The following CSMD1 variants were observed in gnomAD, a reference collection of about 807,000 sequenced individuals.
The protein encoded by CSMD1 is CUB and Sushi multiple domains 1.
Under a neutral mutation model 417.5 loss-of-function variants are expected in CSMD1, and 213 were observed. The observed-to-expected ratio is 0.51, with a 90% confidence interval of 0.46 to 0.57. The LOEUF (loss-of-function observed/expected upper bound fraction) is 0.57, where lower values mean the gene tolerates loss of function less well. Ranked by LOEUF, CSMD1 falls within the 20% of genes least tolerant of loss-of-function variation. CSMD1 has a pLI of 0.00. For missense variants in CSMD1, 6,923 were observed against 4,529.7 expected, an observed-to-expected ratio of 1.53 and a Z score of -15.17; for synonymous variants, 2,862 against 1,736.8, an observed-to-expected ratio of 1.65 and a Z score of -16.11.
At chr8:4,209,189 GC>G (rs1800157391) in intron 3 of CSMD1, among the ~76,000 whole-genome samples, 1 of 152,116 alleles carries the variant, frequency 6.6e-6, no homozygotes, top group South Asian at 2.1e-4. Context: ...GATGTAGGTG[GC>G]TTTATCGCTC....
chr8:4,453,718 C>A (rs931531726), intron 2 of CSMD1, among the ~76,000 whole-genome samples: 1 of 151,268 alleles, frequency 6.6e-6, no homozygotes, highest in African/African-American at 2.4e-5. Context: ...GGCATCACAG[C>A]GGGCTTAACC....
intron 3 of CSMD1, among the ~76,000 whole-genome samples, chr8:4,281,923 C>T (rs1299442296): frequency 6.6e-6 from 1 of 152,192 alleles, no homozygotes; most frequent in African/African-American, 2.4e-5. Context: ...GTTTTGATGA[C>T]ATAGATGCTG....
intron 3 of CSMD1, among the ~76,000 whole-genome samples, chr8:4,234,196 G>A (rs116454052): frequency 6.6e-6 from 1 of 152,160 alleles, no homozygotes; most frequent in Non-Finnish European, 1.5e-5. Context: ...GACCAAGAAA[G>A]ATGAACAGAA....
At chr8:3,900,430 G>C (rs371801554) in intron 5 of CSMD1, among the ~76,000 whole-genome samples, 1 of 151,638 alleles carries the variant, frequency 6.6e-6, no homozygotes, top group African/African-American at 2.4e-5. Flanking sequence ...TGACAGTGTA[G>C]CTGGGTGACA....
At chr8:3,398,022 C>G (rs1424861039) in intron 16 of CSMD1, among the ~76,000 whole-genome samples, 1 of 152,044 alleles carries the variant, frequency 6.6e-6, no homozygotes. Context: ...CGGGTATTTC[C>G]AAATGGAATT....
intron 5 of CSMD1, among the ~76,000 whole-genome samples, chr8:3,973,272 C>T (rs1563271021): frequency 6.6e-6 from 1 of 152,124 alleles, no homozygotes; most frequent in Non-Finnish European, 1.5e-5. Context: ...TGGTCATGAG[C>T]CTCTTTAGGG....
chr8:4,699,071 C>T (rs916499974), intron 1 of CSMD1, among the ~76,000 whole-genome samples: 2 of 152,074 alleles, frequency 1.3e-5, no homozygotes, highest in African/African-American at 4.8e-5. Context: ...TGTGCTTTGA[C>T]GTAGATGTCC....
At chr8:3,992,186 T>C (rs1377777977) in intron 5 of CSMD1, among the ~76,000 whole-genome samples, 2 of 150,870 alleles carry the variant, frequency 1.3e-5, no homozygotes, top group African/African-American at 4.9e-5. Context: ...TATATAAATA[T>C]ATTTACATTC....
At chr8:4,427,059 G>C (rs1459369554) in intron 2 of CSMD1, among the ~76,000 whole-genome samples, 1 of 152,026 alleles carries the variant, frequency 6.6e-6, no homozygotes, top group African/African-American at 2.4e-5. Flanking sequence ...CAGCCCCAGA[G>C]AGCTTGGGAG....
intron 3 of CSMD1, among the ~76,000 whole-genome samples, chr8:4,333,161 CA>C (rs1799973594): frequency 6.6e-6 from 1 of 152,042 alleles, no homozygotes; most frequent in Non-Finnish European, 1.5e-5. Flanking sequence ...AAGAATTCCT[CA>C]AAAAATCCTT....
intron 2 of CSMD1, among the ~76,000 whole-genome samples, chr8:4,473,845 G>C (rs915033180): frequency 6.6e-6 from 1 of 152,130 alleles, no homozygotes; most frequent in Non-Finnish European, 1.5e-5. Context: ...ACACGCAAAT[G>C]ATCGTAGCAT....
chr8:3,603,403 G>C (rs956985335), intron 8 of CSMD1, among the ~76,000 whole-genome samples: 1 of 152,072 alleles, frequency 6.6e-6, no homozygotes, highest in African/African-American at 2.4e-5. Flanking sequence ...AGCACGTCAG[G>C]AAAGGCTTGC....
intron 1 of CSMD1, among the ~76,000 whole-genome samples, chr8:4,746,732 T>C (rs897257183): frequency 6.6e-5 from 10 of 152,122 alleles, no homozygotes; most frequent in African/African-American, 9.7e-5. Context: ...TCCACCTCGG[T>C]GGGAGTCACC....
At chr8:4,117,388 C>T (rs1212458152) in intron 3 of CSMD1, among the ~76,000 whole-genome samples, 1 of 151,198 alleles carries the variant, frequency 6.6e-6, no homozygotes, top group Admixed American at 6.9e-5. Flanking sequence ...GGCAAAGGAG[C>T]TCCCAAGCTG....
chr8:4,382,225 A>G (rs58469927), intron 3 of CSMD1, among the ~76,000 whole-genome samples: 12,744 of 152,290 alleles, frequency 0.084, 697 homozygotes, highest in South Asian at 0.19. Context: ...ACTCAATTTC[A>G]TTAAACAACC....
At chr8:4,636,817 G>C (rs1158303666) in intron 2 of CSMD1, among the ~76,000 whole-genome samples, 2 of 152,154 alleles carry the variant, frequency 1.3e-5, no homozygotes, top group Admixed American at 6.5e-5. Flanking sequence ...GGTGAAGCCA[G>C]CTGGACTTCT....
At chr8:4,037,140 G>T (rs980939256) in intron 3 of CSMD1, among the ~76,000 whole-genome samples, 2 of 152,212 alleles carry the variant, frequency 1.3e-5, no homozygotes, top group Non-Finnish European at 2.9e-5. Flanking sequence ...TTTCTTAAGT[G>T]AATGTAGAGC....
At chr8:3,190,662 GATCCCAGAGAAAAATCGGTACTCTCAC>G (rs1796361404) in intron 33 of CSMD1, among the ~76,000 whole-genome samples, 1 of 152,144 alleles carries the variant, frequency 6.6e-6, no homozygotes, top group African/African-American at 2.4e-5. Context: ...TTTAAATTGG[GATCCCAGAGAAAAATCGGTACTCTCAC>G]ATTCATTGTA....
At chr8:4,663,447 C>T (rs558353590) in intron 1 of CSMD1, among the ~76,000 whole-genome samples, 1 of 152,208 alleles carries the variant, frequency 6.6e-6, no homozygotes, top group East Asian at 1.9e-4. Context: ...CAGTAGTAAC[C>T]CTGAATATTG....
Sources: allele counts gnomAD v4.1 joint callset (sites outside exome capture counted in the v4.1 genomes callset), GRCh38; gene constraint gnomAD v4.1.1; transcripts MANE v1.5; gene names NCBI Gene and HGNC (gene_info 2026-07-23, HGNC 2026-07-21).